Variants in HHAT observed in about 807,000 individuals in gnomAD.
HHAT encodes protein-cysteine N-palmitoyltransferase HHAT.
Under a neutral mutation model 70.8 loss-of-function variants are expected in HHAT, and 47 were observed. The observed-to-expected ratio is 0.66, with a 90% CI of 0.53 to 0.85. HHAT has a LOEUF of 0.85. HHAT is among the 40% of genes least tolerant of loss of function. HHAT has a pLI of 0.00. For synonymous variants in HHAT, 228 were observed against 247.6 expected, an observed-to-expected ratio of 0.92 and a Z score of 0.74; for missense variants, 609 against 604.8, an observed-to-expected ratio of 1.01 and a Z score of -0.07.
chr1:210,373,425 TTTG>T (rs1423418401), intron 3 of HHAT, among the ~76,000 whole-genome samples: 3 of 152,130 alleles, frequency 2.0e-5, no homozygotes, highest in Non-Finnish European at 1.5e-5. Context: ...TTGATAAGCC[TTTG>T]TTAAAAAGAA....
intron 9 of HHAT, among the ~76,000 whole-genome samples, chr1:210,562,295 C>T (rs964565278): frequency 4.0e-5 from 6 of 150,774 alleles, no homozygotes; most frequent in Admixed American, 6.6e-5. Context: ...GCATCGTTGA[C>T]GTTGGGGGCT....
intron 9 of HHAT, among the ~76,000 whole-genome samples, chr1:210,552,165 G>A (rs1347710956): frequency 2.0e-5 from 3 of 152,038 alleles, no homozygotes; most frequent in Non-Finnish European, 2.9e-5. Context: ...TGTGGAGAGC[G>A]AGGATTATAC....
chr1:210,391,868 A>AT lies in HHAT; in HGVS notation c.273+4296dup, dbSNP rs200754253. Among the ~76,000 whole-genome samples, 214 of 151,994 alleles carry AT rather than the reference A, an allele frequency of 1.4e-3. 2 individuals are homozygous for AT. The highest frequency in any genetic ancestry group is 4.2e-3 in the African/African-American group (173 of 41,474). On this transcript the variant is annotated intron_variant, in intron 4 of 11. Coordinates refer to ENST00000261458, the MANE Select transcript of HHAT (RefSeq NM_018194.6). ...ACCCTACAGCCACCAGTGCTATGTG[A>AT]TTTTTTTTTCCCCCCTTTACAGACA... is the stretch of plus-strand genomic sequence containing the variant.
chr1:210,668,244 C>T (rs190141720), intron 11 of HHAT, among the ~76,000 whole-genome samples: 1 of 152,266 alleles, frequency 6.6e-6, no homozygotes, highest in East Asian at 1.9e-4. Context: ...CACCTTTTGG[C>T]CGTTGTGAAT....
intron 7 of HHAT, among the ~76,000 whole-genome samples, chr1:210,422,343 A>G (rs1449255731): frequency 2.6e-5 from 4 of 152,202 alleles, no homozygotes; most frequent in Non-Finnish European, 5.9e-5. Flanking sequence ...GTCATCCTAC[A>G]GTACTATAGA....
chr1:210,630,852 C>T (rs1008791021), intron 11 of HHAT: 9 of 355,320 alleles, frequency 2.5e-5, no homozygotes, highest in Admixed American at 7.7e-5. Flanking sequence ...TGAGCCCTCT[C>T]GTCTTCCTAG....
intron 11 of HHAT, among the ~76,000 whole-genome samples, chr1:210,644,255 A>G (rs946748028): frequency 1.3e-5 from 2 of 152,222 alleles, no homozygotes; most frequent in African/African-American, 2.4e-5. Flanking sequence ...TTCTCAAAGT[A>G]TAATCCAAAG....
chr1:210,422,497 C>T (rs746243785), intron 7 of HHAT, among the ~76,000 whole-genome samples: 2 of 152,300 alleles, frequency 1.3e-5, no homozygotes, highest in Admixed American at 1.3e-4. Flanking sequence ...TGAGTGAGAA[C>T]ATGTGGTGTT....
intron 10 of HHAT, among the ~76,000 whole-genome samples, chr1:210,593,924 A>G (rs1433414463): frequency 6.6e-6 from 1 of 152,038 alleles, no homozygotes; most frequent in East Asian, 1.9e-4. Flanking sequence ...GATGATATGT[A>G]GCTTTGTCTC....
chr1:210,446,018 C>T (rs1198475426), intron 7 of HHAT, among the ~76,000 whole-genome samples: 2 of 152,206 alleles, frequency 1.3e-5, no homozygotes, highest in African/African-American at 2.4e-5. Context: ...AATGCTATCC[C>T]TCCCCCAGGC....
intron 2 of HHAT, among the ~76,000 whole-genome samples, chr1:210,360,113 C>T (rs971597551): frequency 1.3e-5 from 2 of 152,162 alleles, no homozygotes; most frequent in Non-Finnish European, 2.9e-5. Flanking sequence ...ACAGGTTCTC[C>T]TGTATCAACT....
intron 7 of HHAT, among the ~76,000 whole-genome samples, chr1:210,441,572 T>G (rs1265496981): frequency 1.3e-5 from 2 of 152,198 alleles, no homozygotes; most frequent in Admixed American, 1.3e-4. Flanking sequence ...TCTTTAGATT[T>G]TGACAAGGAT....
chr1:210,377,769 C>A (rs948562368), intron 3 of HHAT, among the ~76,000 whole-genome samples: 2 of 152,110 alleles, frequency 1.3e-5, no homozygotes, highest in Non-Finnish European at 2.9e-5. Context: ...TACACTGGAC[C>A]AATTTGCCTG....
chr1:210,362,982 T>G (rs2088520034), intron 3 of HHAT, 63 bp downstream of exon 3: 1 of 1,312,748 alleles, frequency 7.6e-7, no homozygotes, highest in South Asian at 1.2e-5. Context: ...TCACATCACA[T>G]TTGTATTTGG....
chr1:210,587,318 C>T (rs564430282), intron 9 of HHAT, among the ~76,000 whole-genome samples: 11 of 152,208 alleles, frequency 7.2e-5, no homozygotes, highest in African/African-American at 1.4e-4. Flanking sequence ...GGCGCCAGGC[C>T]GGAGAGCATG....
At chr1:210,604,082 TTTTTGTTTTG>T (rs1344292341) in intron 10 of HHAT, among the ~76,000 whole-genome samples, 2 of 152,038 alleles carry the variant, frequency 1.3e-5, no homozygotes, top group Non-Finnish European at 2.9e-5. Context: ...TAAGATAGTT[TTTTTGTTTTG>T]TTTTGTTTTG....
chr1:210,644,808 TG>T (rs1034423805), intron 11 of HHAT, among the ~76,000 whole-genome samples: 26 of 152,244 alleles, frequency 1.7e-4, no homozygotes, highest in African/African-American at 6.3e-4. Flanking sequence ...CATTTAACCA[TG>T]GACCACTTTT....
chr1:210,624,230 T>G (rs1182510263), intron 11 of HHAT, among the ~76,000 whole-genome samples: 7 of 152,140 alleles, frequency 4.6e-5, no homozygotes. Context: ...CTGTGCTACC[T>G]GGGGACTCTA....
At chr1:210,657,049 CCAAACTAATAT>C (rs2148950210) in intron 11 of HHAT, among the ~76,000 whole-genome samples, 1 of 152,250 alleles carries the variant, frequency 6.6e-6, no homozygotes, top group Admixed American at 6.5e-5. Flanking sequence ...ACATTTTTTT[CCAAACTAATAT>C]CAGAACTGTT....
Sources: allele counts gnomAD v4.1 joint callset (sites outside exome capture counted in the v4.1 genomes callset), GRCh38; gene constraint gnomAD v4.1.1; transcripts MANE v1.5; gene names NCBI Gene and HGNC (gene_info 2026-07-23, HGNC 2026-07-21).